The following SORCS1 variants were observed in gnomAD, a reference collection of about 807,000 sequenced individuals.
The protein encoded by SORCS1 is VPS10 domain-containing receptor SorCS1.
A neutral mutation model predicts 146.1 loss-of-function variants in SORCS1; 60 were observed. The observed-to-expected ratio is 0.41, with a 90% confidence interval of 0.33 to 0.51. The LOEUF is 0.51. SORCS1 is among the 20% of genes least tolerant of loss of function. The probability of loss-of-function intolerance (pLI) is 0.21; values close to 1 mark genes in which losing one functional copy is unlikely to be tolerated. For synonymous variants in SORCS1, 637 were observed against 584.0 expected, an observed-to-expected ratio of 1.09 and a Z score of -1.31; for missense variants, 1,352 against 1,487.6, an observed-to-expected ratio of 0.91 and a Z score of 1.50.
intron 3 of SORCS1, among the ~76,000 whole-genome samples, chr10:106,811,389 G>A (rs1439845172): frequency 1.3e-5 from 2 of 152,164 alleles, no homozygotes; most frequent in South Asian, 2.1e-4. Flanking sequence ...TGTTGGCACA[G>A]CTCACCTCTG....
chr10:106,913,307 A>G (rs573831485), intron 2 of SORCS1, among the ~76,000 whole-genome samples: 3 of 152,382 alleles, frequency 2.0e-5, no homozygotes, highest in East Asian at 3.9e-4. Flanking sequence ...CTCCCCAGGC[A>G]TTATTAAACA....
At chr10:106,926,856 CACACACACACAGAG>C (rs1291830000) in intron 2 of SORCS1, among the ~76,000 whole-genome samples, 122 of 102,032 alleles carry the variant, frequency 1.2e-3, no homozygotes, top group African/African-American at 6.1e-3. Flanking sequence ...CACACACACA[CACACACACACAGAG>C]AGAGAGAGAG....
chr10:106,964,912 C>A (rs1408275162), intron 1 of SORCS1, among the ~76,000 whole-genome samples: 1 of 150,698 alleles, frequency 6.6e-6, no homozygotes, highest in Non-Finnish European at 1.5e-5. Flanking sequence ...CCATGCCTGG[C>A]CAAGACCAGA....
intron 13 of SORCS1, among the ~76,000 whole-genome samples, chr10:106,675,397 A>T (rs1851951027): frequency 6.6e-6 from 1 of 152,196 alleles, no homozygotes; most frequent in South Asian, 2.1e-4. Flanking sequence ...ATTAAATGAG[A>T]ATAACTATAA....
chr10:106,940,334 T>G (rs966411517), intron 2 of SORCS1, among the ~76,000 whole-genome samples: 1 of 152,194 alleles, frequency 6.6e-6, no homozygotes, highest in Non-Finnish European at 1.5e-5. Flanking sequence ...CTTTCCTCAT[T>G]ACATTTAACT....
At chr10:107,103,715 A>T (rs1299210180) in intron 1 of SORCS1, among the ~76,000 whole-genome samples, 2 of 152,192 alleles carry the variant, frequency 1.3e-5, no homozygotes, top group Admixed American at 1.3e-4. Context: ...TTAATGAAAT[A>T]TGCCATCTGC....
intron 1 of SORCS1, among the ~76,000 whole-genome samples, chr10:107,002,955 A>G (rs1353507227): frequency 6.6e-6 from 1 of 152,118 alleles, no homozygotes; most frequent in Non-Finnish European, 1.5e-5. Context: ...CCCACTCATT[A>G]CTATAAAAAG....
chr10:106,730,436 C>T (rs1564906812), intron 5 of SORCS1, among the ~76,000 whole-genome samples: 3 of 152,208 alleles, frequency 2.0e-5, no homozygotes, highest in African/African-American at 7.2e-5. Flanking sequence ...GTGTATTAAA[C>T]TTTCAAAACT....
At chr10:106,776,751 A>G in intron 3 of SORCS1, 59 bp from the exon 4 acceptor site, 8 of 1,573,462 alleles carry the variant, frequency 5.1e-6, no homozygotes, top group Non-Finnish European at 6.9e-6. Context: ...CAAATTTGCA[A>G]AACTTGAAAA....
rs370629991 is a variant in SORCS1, at chr10:106,948,879, T to C, written c.626+7634A>G. Among the ~76,000 whole-genome samples, 20 of 152,100 alleles carry C rather than the reference T, an allele frequency of 1.3e-4. No individual in the cohort carries two copies. In the South Asian group the frequency reaches 4.1e-3, roughly 32 times the overall value. ...TGGAGGCTGAGGCAGGAGAATGGCATGAACCTGGGAGGCGGAGCTTGCAGT... is the reference window on the plus strand; with the variant it reads ...TGGAGGCTGAGGCAGGAGAATGGCACGAACCTGGGAGGCGGAGCTTGCAGT... On this transcript the variant is annotated intron_variant, in intron 2 of 25. Transcript: ENST00000263054.
chr10:106,808,208 G>A (rs1005984649), intron 3 of SORCS1, among the ~76,000 whole-genome samples: 1 of 152,114 alleles, frequency 6.6e-6, no homozygotes, highest in African/African-American at 2.4e-5. Flanking sequence ...AGTAGAGACA[G>A]GGTTTTTCCA....
chr10:106,673,794 C>T (rs1465660247), intron 14 of SORCS1, among the ~76,000 whole-genome samples: 1 of 152,162 alleles, frequency 6.6e-6, no homozygotes, highest in Non-Finnish European at 1.5e-5. Flanking sequence ...ACTCTCTTTA[C>T]TCAGAGAGAC....
chr10:106,912,068 C>T (rs1461229576), intron 2 of SORCS1, among the ~76,000 whole-genome samples: 1 of 149,346 alleles, frequency 6.7e-6, no homozygotes, highest in Admixed American at 6.7e-5. Flanking sequence ...AGCTGAGATC[C>T]TGCCACTGCA....
In SORCS1 at chr10:106,723,557, T is replaced by C. The variant is rs576995995; in HGVS notation, c.1024+6493A>G. ...TCCAGTAATACCTCCCGTGATTGAT[T>C]GTAGTTGAGCCTGCTCTTTTCAGCT... is the stretch of plus-strand genomic sequence containing the variant. On this transcript the variant is annotated intron_variant, in intron 6 of 25. Coordinates refer to ENST00000263054, the MANE Select transcript of SORCS1 (RefSeq NM_052918.5). 3.9e-3 allele frequency among the ~76,000 whole-genome samples: 592 copies of C among 152,336 alleles called. 5 individuals are homozygous for C. Among genetic ancestry groups the C allele is most frequent in the Non-Finnish European group, 5.2e-3 (352 of 68,030 alleles).
intron 23 of SORCS1, among the ~76,000 whole-genome samples, 183 bp downstream of exon 23, chr10:106,606,983 T>C (rs919091371): frequency 6.6e-6 from 1 of 152,218 alleles, no homozygotes; most frequent in African/African-American, 2.4e-5. Context: ...TACCCAGTCT[T>C]GGGTATGTCT....
rs375750236 is a variant in SORCS1 at position 107,100,242 on chromosome 10, G to A, written c.558+63727C>T. ...AGAAATAAGTAAATAGGCCGGGTGC[G>A]GTGGCTCACGCCTGTAATCCCAGCA... On this transcript the variant is annotated intron_variant, in intron 1 of 25. Transcript: ENST00000263054. Among the ~76,000 whole-genome samples, 143 of 152,298 alleles carry A rather than the reference G, an allele frequency of 9.4e-4. 1 individual carries two copies. The highest frequency in any genetic ancestry group is 3.2e-3 in the African/African-American group (131 of 41,564).
intron 18 of SORCS1, among the ~76,000 whole-genome samples, chr10:106,636,743 C>T (rs1266078270): frequency 6.6e-6 from 1 of 152,168 alleles, no homozygotes; most frequent in East Asian, 1.9e-4. Flanking sequence ...CAGAGCCAAA[C>T]CATATCAATC....
intron 9 of SORCS1, 144 bp downstream of exon 9, chr10:106,699,070 T>A: frequency 1.5e-6 from 1 of 649,094 alleles, no homozygotes; most frequent in Non-Finnish European, 2.4e-6. Context: ...AATAAAAATG[T>A]TCTGCAAATC....
chr10:106,663,866 G>A (rs529849930), intron 17 of SORCS1, among the ~76,000 whole-genome samples: 21 of 152,248 alleles, frequency 1.4e-4, no homozygotes, highest in Admixed American at 2.6e-4. Context: ...AACCACTCCC[G>A]TGACTTTAGT....
Sources: gnomAD v4.1 joint callset for allele counts (sites outside exome capture counted in the v4.1 genomes callset) on GRCh38, gnomAD v4.1.1 for gene constraint, MANE v1.5 for transcripts, NCBI Gene and HGNC (gene_info 2026-07-23, HGNC 2026-07-21) for gene names.